The following KIFAP3 variants were observed in gnomAD, a reference collection of about 807,000 sequenced individuals.
The protein encoded by KIFAP3 is kinesin-associated protein 3.
In KIFAP3, 68 loss-of-function variants were observed where a neutral mutation model predicts 106.5. The observed-to-expected ratio is 0.64, with a 90% CI of 0.53 to 0.78. The LOEUF (loss-of-function observed/expected upper bound fraction) is 0.78, where lower values mean the gene tolerates loss of function less well. Among genes scored for constraint, KIFAP3 ranks in the 30% least tolerant of loss-of-function variants. The probability of loss-of-function intolerance (pLI) is 0.00; values close to 1 mark genes in which losing one functional copy is unlikely to be tolerated. For synonymous variants in KIFAP3, 320 were observed against 311.5 expected, an observed-to-expected ratio of 1.03 and a Z score of -0.29; for missense variants, 780 against 941.8, an observed-to-expected ratio of 0.83 and a Z score of 2.25.
chr1:170,050,746 C>T (rs1427786497), intron 2 of KIFAP3, among the ~76,000 whole-genome samples: 1 of 152,064 alleles, frequency 6.6e-6, no homozygotes, highest in Non-Finnish European at 1.5e-5. Flanking sequence ...CCAAACTAAG[C>T]TTCATAAGCA....
chr1:170,063,035 AATG>A (rs1374371613), intron 1 of KIFAP3, among the ~76,000 whole-genome samples: 1 of 152,154 alleles, frequency 6.6e-6, no homozygotes, highest in Non-Finnish European at 1.5e-5. Flanking sequence ...CTAAAACAAA[AATG>A]ATAACAATCC....
chr1:169,955,307 T>C (rs987311105), intron 18 of KIFAP3, among the ~76,000 whole-genome samples: 12 of 152,142 alleles, frequency 7.9e-5, no homozygotes, highest in African/African-American at 2.4e-5. Context: ...ATACATAACC[T>C]CTGTTTTTAA....
At chr1:169,970,059 G>T (rs1299720576) in intron 17 of KIFAP3, among the ~76,000 whole-genome samples, 1 of 151,968 alleles carries the variant, frequency 6.6e-6, no homozygotes, top group African/African-American at 2.4e-5. Context: ...TGAGTTTTTA[G>T]AAGTTCTCTA....
chr1:169,985,147 G>T (rs554887428), intron 11 of KIFAP3, among the ~76,000 whole-genome samples: 1 of 152,006 alleles, frequency 6.6e-6, no homozygotes, highest in South Asian at 2.1e-4. Context: ...GGGTCTTGAA[G>T]TACATGTTAA....
intron 6 of KIFAP3, 29 bp downstream of exon 6, chr1:170,035,425 C>G: frequency 7.3e-7 from 1 of 1,369,756 alleles, no homozygotes; most frequent in Non-Finnish European, 1.0e-6. Context: ...GATACAGTAG[C>G]CTTTTTATTT....
intron 1 of KIFAP3, among the ~76,000 whole-genome samples, chr1:170,074,091 C>G (rs1671819241): frequency 6.6e-6 from 1 of 151,636 alleles, no homozygotes; most frequent in Non-Finnish European, 1.5e-5. Flanking sequence ...TGGGATTTAT[C>G]TATTATGGGA....
chr1:170,001,406 CTTGAT>C (rs911999474), intron 10 of KIFAP3, among the ~76,000 whole-genome samples: 6 of 152,048 alleles, frequency 3.9e-5, no homozygotes, highest in South Asian at 2.1e-4. Context: ...AAAAAGGCTT[CTTGAT>C]TTAATTGGGA....
chr1:170,017,808 T>G (rs1056108266), intron 9 of KIFAP3, among the ~76,000 whole-genome samples: 1 of 152,340 alleles, frequency 6.6e-6, no homozygotes, highest in South Asian at 2.1e-4. Context: ...AGTCCTTTTC[T>G]GTATGGTCAA....
At position 169,982,735 on chromosome 1, in the gene KIFAP3, A is replaced by C. The variant is rs770298020; in HGVS notation, c.1639T>G (p.Leu547Val). Reference sequence around the variant, plus strand: ...AGTTTATCCTTGAGGTATGGAACCAACTTATATTCTTTAAGAACCAATTCC... The same window carrying C: ...AGTTTATCCTTGAGGTATGGAACCACCTTATATTCTTTAAGAACCAATTCC... ...DWELVLKEYK[L>V]VPYLKDKLKP... The change falls in exon 14 of 20, where the codon TTG (leucine) becomes GTG (valine). Residue 547 changes from leucine to valine, a missense_variant. This residue lies in a region of KIFAP3 where 588 missense variants were observed against 678.9 expected (regional missense o/e 0.87). Transcript: ENST00000361580. The C allele has an allele frequency of 4.3e-6, 7 of 1,609,238 alleles. No homozygotes were observed. The African/African-American group carries it at 9.4e-5, about 22-fold the overall frequency.
chr1:169,945,482 C>T (rs1016562786), intron 19 of KIFAP3, among the ~76,000 whole-genome samples: 12 of 152,164 alleles, frequency 7.9e-5, no homozygotes, highest in African/African-American at 2.4e-4. Flanking sequence ...GTGTCAGCTG[C>T]GCCTCCCCAA....
intron 17 of KIFAP3, among the ~76,000 whole-genome samples, chr1:169,962,985 A>G (rs1269800974): frequency 6.6e-6 from 1 of 152,200 alleles, no homozygotes; most frequent in African/African-American, 2.4e-5. Flanking sequence ...GTTCAGGGAT[A>G]CATGTGCAGA....
At position 170,074,422 on chromosome 1, in the gene KIFAP3, T is replaced by C. The variant is rs1671839510; in HGVS notation, c.32+14A>G. 6.2e-7 allele frequency: 1 copy of C among 1,613,900 alleles called. No homozygotes were observed. ...TGGCAAGGAGGGTAGGACAGAGCCT[T>C]GGGGAGTCGTCACCTTTTGAGGTAT... On this transcript the variant is annotated intron_variant, in intron 1 of 19. Coordinates refer to ENST00000361580, the MANE Select transcript of KIFAP3 (RefSeq NM_014970.4).
In KIFAP3 at chr1:169,999,377, A is replaced by T. The variant is rs187140696; in HGVS notation, c.1184-7122T>A. On this transcript the variant is annotated intron_variant, in intron 10 of 19. Transcript: ENST00000361580. ...GACATTTCAAAAAGGCTCCTTTAAG[A>T]CATAAAGACATCAATTATTCCCTAA... Among the ~76,000 whole-genome samples, 6 of 152,318 alleles carry T rather than the reference A, an allele frequency of 3.9e-5. No individual in the cohort carries two copies. In the East Asian group the frequency reaches 1.2e-3, roughly 29 times the overall value.
intron 19 of KIFAP3, among the ~76,000 whole-genome samples, chr1:169,934,983 T>G (rs1423367908): frequency 1.3e-5 from 2 of 152,122 alleles, no homozygotes; most frequent in Non-Finnish European, 2.9e-5. Context: ...AATAGCCTAA[T>G]ATATATGAAG....
intron 9 of KIFAP3, chr1:170,024,082 T>A (rs1668990305): frequency 6.2e-6 from 1 of 161,366 alleles, no homozygotes; most frequent in Non-Finnish European, 1.3e-5. Flanking sequence ...AAGTCAGAGA[T>A]GCAGAAGGCA....
intron 11 of KIFAP3, among the ~76,000 whole-genome samples, chr1:169,985,402 A>C (rs1309752923): frequency 2.0e-5 from 3 of 151,866 alleles, no homozygotes; most frequent in Non-Finnish European, 4.4e-5. Flanking sequence ...CAGAACCAAA[A>C]TGGAATGTAG....
upstream of KIFAP3, among the ~76,000 whole-genome samples, chr1:170,077,113 G>A (rs1671933926): frequency 6.6e-6 from 1 of 152,104 alleles, no homozygotes; most frequent in Admixed American, 6.5e-5. Flanking sequence ...GATTGTAAAC[G>A]CACCAATCAG....
Position 170,034,451 on chromosome 1 carries a change from A to G in KIFAP3, c.663T>C (p.Ala221=), listed in dbSNP as rs1356250398. 1 of 1,572,644 alleles carries G rather than the reference A, an allele frequency of 6.4e-7. No homozygotes were observed. Among genetic ancestry groups the G allele is most frequent in the African/African-American group, 1.4e-5 (1 of 73,770 alleles). ...CATGATCAATAATATTCATACACAG[A>G]GCTCCAATTTTATAGTGAGTAATAA... ...HGLITHYKIG[A]LCMNIIDHEL... The change falls in exon 7 of 20, where the codon GCT becomes GCC. Residue 221 remains alanine, a synonymous_variant. Coordinates refer to ENST00000361580, the MANE Select transcript of KIFAP3 (RefSeq NM_014970.4).
In KIFAP3 at chr1:170,074,482, C is replaced by G. The variant is rs909192961; in HGVS notation, c.-15G>C. On this transcript the variant is annotated 5_prime_UTR_variant, in exon 1 of 20. Transcript: ENST00000361580. ...TCCCCTTGCATGGCGGCAGCGGCAG[C>G]GGCGTGGAGAGGATGGGGTATCTTG... 6.2e-7 allele frequency: 1 copy of G among 1,613,878 alleles called. No homozygotes were observed. Among genetic ancestry groups the G allele is most frequent in the Admixed American group, 1.7e-5 (1 of 60,004 alleles).
Sources: allele counts gnomAD v4.1 joint callset (sites outside exome capture counted in the v4.1 genomes callset), GRCh38; gene constraint gnomAD v4.1.1; regional missense constraint gnomAD v4.1.1; transcripts MANE v1.5; gene names NCBI Gene and HGNC (gene_info 2026-07-23, HGNC 2026-07-21).